The following FOLH1 variants were observed in gnomAD, a reference collection of about 807,000 sequenced individuals.
The protein encoded by FOLH1 is glutamate carboxypeptidase 2.
Under a neutral mutation model 93.9 loss-of-function variants are expected in FOLH1, and 54 were observed. The observed-to-expected ratio is 0.57, with a 90% CI of 0.46 to 0.72. The LOEUF (loss-of-function observed/expected upper bound fraction) is 0.72, where lower values mean the gene tolerates loss of function less well. Among genes scored for constraint, FOLH1 ranks in the 30% least tolerant of loss-of-function variants. FOLH1 has a pLI of 0.00. For synonymous variants in FOLH1, 249 were observed against 303.6 expected (o/e 0.82, Z 1.87); for missense variants, 571 against 892.5 (o/e 0.64, Z 4.59).
chr11:49,205,622 A>T (rs1456801158), intron 2 of FOLH1, among the ~76,000 whole-genome samples: 2 of 152,260 alleles, frequency 1.3e-5, no homozygotes, highest in Admixed American at 1.3e-4. Flanking sequence ...AATCTGGACC[A>T]CTAACTGTTT....
rs370045363 is a variant in FOLH1, at chr11:49,151,397, C to T, written c.1970+2449G>A. ...ACTCGTGGCCACACACACGTAAATGCGCGCGTGCGCGTGCGTGCACACACA... is the reference window on the plus strand; with the variant it reads ...ACTCGTGGCCACACACACGTAAATGTGCGCGTGCGCGTGCGTGCACACACA... On this transcript the variant is annotated intron_variant, in intron 17 of 18. Transcript: ENST00000256999. Among the ~76,000 whole-genome samples the T allele has an allele frequency of 6.0e-4, 91 of 151,544 alleles. No individual in the cohort carries two copies. The South Asian group carries it at 0.018, about 31-fold the overall frequency.
intron 17 of FOLH1, among the ~76,000 whole-genome samples, chr11:49,151,378 G>A (rs1300338642): frequency 6.6e-6 from 1 of 152,108 alleles, no homozygotes; most frequent in Non-Finnish European, 1.5e-5. Flanking sequence ...AAAAACTCGT[G>A]GCCACACACA....
Position 49,146,045 on chromosome 11 carries a change from T to C in FOLH1, c.*711A>G, listed in dbSNP as rs1855761756. ...ATGTAAAGGATACAGCCATGTGTGA[T>C]AAAATTATAAATAATGACAGAGGAA... On this transcript the variant is annotated 3_prime_UTR_variant, in exon 19 of 19. Transcript: ENST00000256999. Among the ~76,000 whole-genome samples the C allele has an allele frequency of 6.6e-6, 1 of 152,092 alleles. No homozygotes were observed. Among genetic ancestry groups the C allele is most frequent in the African/African-American group, 2.4e-5 (1 of 41,414 alleles).
intron 3 of FOLH1, among the ~76,000 whole-genome samples, chr11:49,196,333 T>G (rs1254207387): frequency 6.6e-6 from 1 of 152,102 alleles, no homozygotes; most frequent in Non-Finnish European, 1.5e-5. Flanking sequence ...ATTAAACCAG[T>G]AGTTTAAAAT....
chr11:49,160,612 T>G (rs1489161535), intron 13 of FOLH1, among the ~76,000 whole-genome samples: 4 of 151,976 alleles, frequency 2.6e-5, no homozygotes, highest in Non-Finnish European at 5.9e-5. Flanking sequence ...CTGGCTAATT[T>G]TTTGTATTTT....
At chr11:49,161,552 G>A (rs1383498326) in intron 13 of FOLH1, among the ~76,000 whole-genome samples, 2 of 152,094 alleles carry the variant, frequency 1.3e-5, no homozygotes, top group East Asian at 1.9e-4. Context: ...TTGAAGACAG[G>A]ATACCAATAG....
chr11:49,205,185 C>G (rs1863762014), intron 2 of FOLH1, among the ~76,000 whole-genome samples: 1 of 150,490 alleles, frequency 6.6e-6, no homozygotes, highest in African/African-American at 2.5e-5. Context: ...GCCTGGGCAA[C>G]AAGAGCGAAA....
Position 49,206,704 on chromosome 11 carries a change from T to C in FOLH1, c.119-532A>G. 10 of 1,418,064 alleles carry C rather than the reference T, an allele frequency of 7.1e-6. No homozygotes were observed. The South Asian group carries it at 8.8e-5, about 13-fold the overall frequency. 87.8% of individuals were successfully genotyped at this position (1,418,064 alleles called of 1,614,324 possible). A position where few individuals can be genotyped will look rare whatever the true frequency, so the allele number is the denominator to read the frequency against. On this transcript the variant is annotated intron_variant, in intron 1 of 18. Transcript: ENST00000256999. Reference sequence around the variant, plus strand: ...ATTCTGAAACTAAAACAAAATGCTGTGAGAGTTTGCGTTTCCAGTGAAGTA... The same window carrying C: ...ATTCTGAAACTAAAACAAAATGCTGCGAGAGTTTGCGTTTCCAGTGAAGTA...
chr11:49,150,823 TTAAC>T (rs1344928491), intron 17 of FOLH1, among the ~76,000 whole-genome samples: 1 of 152,186 alleles, frequency 6.6e-6, no homozygotes, highest in Non-Finnish European at 1.5e-5. Flanking sequence ...CACAATTTAA[TTAAC>T]TGAGAAAAAT....
intron 8 of FOLH1, among the ~76,000 whole-genome samples, chr11:49,175,568 T>A (rs1022108011): frequency 3.9e-5 from 6 of 152,198 alleles, no homozygotes; most frequent in African/African-American, 1.4e-4. Flanking sequence ...AATTATTGAT[T>A]CTGAAGCTGC....
chr11:49,165,203 T>G (rs891668219), intron 12 of FOLH1, among the ~76,000 whole-genome samples: 5 of 152,192 alleles, frequency 3.3e-5, no homozygotes, highest in Non-Finnish European at 7.3e-5. Flanking sequence ...CCTTGGCTCT[T>G]GTTTCTCTAT....
At chr11:49,147,117 GTAAT>G (rs1482677018) in intron 18 of FOLH1, among the ~76,000 whole-genome samples, 172 bp from the exon 19 acceptor site, 1 of 152,108 alleles carries the variant, frequency 6.6e-6, no homozygotes, top group Non-Finnish European at 1.5e-5. Context: ...GAAATCTATA[GTAAT>G]TAATTATATT....
At chr11:49,196,718 T>C (rs1862660552) in intron 3 of FOLH1, among the ~76,000 whole-genome samples, 2 of 152,180 alleles carry the variant, frequency 1.3e-5, no homozygotes, top group Non-Finnish European at 2.9e-5. Context: ...CAAAAAATTT[T>C]AGTATATGTG....
chr11:49,179,786 C>A (rs879854852), intron 7 of FOLH1, among the ~76,000 whole-genome samples: 11 of 152,058 alleles, frequency 7.2e-5, no homozygotes, highest in Non-Finnish European at 1.2e-4. Context: ...ATCAATGAAA[C>A]CAAGGGTGAT....
At position 49,206,125 on chromosome 11, in the gene FOLH1, G is replaced by A. The variant is rs1426897808; in HGVS notation, c.166C>T (p.His56Tyr). 26 of 1,612,422 alleles carry A rather than the reference G, an allele frequency of 1.6e-5. No individual in the cohort carries two copies. Among genetic ancestry groups the A allele is most frequent in the Non-Finnish European group, 2.0e-5 (23 of 1,179,432 alleles). ...TCATCCAAAAATGCTTTCATATTAT[G>A]CTTTGGAGTAATGTTAGTAGCTTCA... ...SNEATNITPK[H>Y]NMKAFLDELK... is the part of the protein sequence containing the mutation. The change falls in exon 2 of 19, where the codon CAT becomes TAT. Residue 56 changes from histidine (H) to tyrosine (Y), a missense_variant. Around this residue, in one of 2 missense-constraint regions of FOLH1, gnomAD observed 500 missense variants for 822.9 expected, o/e 0.61. Transcript: ENST00000256999.
chr11:49,178,150 CT>C (rs1860318075), intron 7 of FOLH1, among the ~76,000 whole-genome samples: 1 of 152,122 alleles, frequency 6.6e-6, no homozygotes, highest in Admixed American at 6.5e-5. Context: ...AATTCACACC[CT>C]ATGCAAATGA....
chr11:49,176,646 A>G (rs879449852), intron 7 of FOLH1, among the ~76,000 whole-genome samples: 4 of 151,966 alleles, frequency 2.6e-5, no homozygotes, highest in Non-Finnish European at 5.9e-5. Flanking sequence ...TGGGCATGTA[A>G]AACAATATAC....
rs115706028 is a variant in FOLH1, at chr11:49,173,082, A to C, written c.1225+275T>G. ...TGTGTTTTCTCTAGTGATGTAACCC[A>C]TCTTCATCTTCTTAGTTGCCAAGAA... On this transcript the variant is annotated intron_variant, in intron 10 of 18. Coordinates refer to ENST00000256999, the MANE Select transcript of FOLH1 (RefSeq NM_004476.3). Among the ~76,000 whole-genome samples, 895 of 152,294 alleles carry C rather than the reference A, an allele frequency of 5.9e-3. 12 individuals are homozygous for C. The highest frequency in any genetic ancestry group is 0.021 in the African/African-American group (856 of 41,570).
rs983641542 is a variant in FOLH1, at chr11:49,168,288, A to T, written c.1372+907T>A. On this transcript the variant is annotated intron_variant, in intron 12 of 18. Coordinates refer to ENST00000256999, the MANE Select transcript of FOLH1 (RefSeq NM_004476.3). Reference sequence around the variant, plus strand: ...AACACATAAAGAGGTGTTGAAGAGCAATCTGAGTGTAGAGAACAGGAGAGC... The same window carrying T: ...AACACATAAAGAGGTGTTGAAGAGCTATCTGAGTGTAGAGAACAGGAGAGC... Among the ~76,000 whole-genome samples, 8 of 151,696 alleles carry T rather than the reference A, an allele frequency of 5.3e-5. 1 individual carries two copies. The highest frequency in any genetic ancestry group is 2.0e-4 in the African/African-American group (8 of 40,948).
Sources: gnomAD v4.1 joint callset for allele counts (sites outside exome capture counted in the v4.1 genomes callset) on GRCh38, gnomAD v4.1.1 for gene constraint, gnomAD v4.1.1 regional missense constraint, MANE v1.5 for transcripts, NCBI Gene and HGNC (gene_info 2026-07-23, HGNC 2026-07-21) for gene names.